Variants in DIAPH3 observed in about 807,000 individuals in gnomAD.
The protein encoded by DIAPH3 is protein diaphanous homolog 3.
In DIAPH3, 117 loss-of-function variants were observed where a neutral mutation model predicts 144.3. The observed-to-expected ratio is 0.81, with a 90% CI of 0.70 to 0.95. DIAPH3 has a LOEUF of 0.95. Among genes scored for constraint, DIAPH3 ranks in the 40% least tolerant of loss-of-function variants. The pLI is 0.00. For synonymous variants in DIAPH3, 519 were observed against 488.9 expected, an observed-to-expected ratio of 1.06 and a Z score of -0.81; for missense variants, 1,421 against 1,412.7, an observed-to-expected ratio of 1.01 and a Z score of -0.09.
At chr13:60,130,497 G>C (rs982108923) in intron 2 of DIAPH3, among the ~76,000 whole-genome samples, 2 of 152,162 alleles carry the variant, frequency 1.3e-5, no homozygotes, top group Non-Finnish European at 2.9e-5. Flanking sequence ...CAAGCGGTCA[G>C]AAAGACTGAC....
intron 7 of DIAPH3, chr13:60,013,333 G>A (rs1053300820): frequency 7.3e-5 from 31 of 427,130 alleles, no homozygotes; most frequent in Middle Eastern, 1.1e-3. Context: ...ACATCTGGAC[G>A]CACACAGCAT....
At chr13:59,742,838 G>A (rs1387578595) in intron 27 of DIAPH3, among the ~76,000 whole-genome samples, 1 of 152,182 alleles carries the variant, frequency 6.6e-6, no homozygotes, top group Non-Finnish European at 1.5e-5. Flanking sequence ...TCCTTCATAA[G>A]TTGACATGAC....
chr13:59,731,103 C>T (rs1006845009), intron 27 of DIAPH3, among the ~76,000 whole-genome samples: 7 of 152,166 alleles, frequency 4.6e-5, no homozygotes, highest in Non-Finnish European at 1.0e-4. Flanking sequence ...TTCACTGTAG[C>T]TTGAATGTGA....
At chr13:59,990,237 C>T (rs1199055164) in intron 12 of DIAPH3, among the ~76,000 whole-genome samples, 2 of 151,350 alleles carry the variant, frequency 1.3e-5, no homozygotes, top group African/African-American at 4.9e-5. Context: ...TCCTGAAAAA[C>T]CTAAAGTTTT....
chr13:60,063,435 A>T (rs916915421), intron 4 of DIAPH3, among the ~76,000 whole-genome samples: 2 of 151,974 alleles, frequency 1.3e-5, no homozygotes, highest in African/African-American at 4.8e-5. Flanking sequence ...TCATAGATAG[A>T]CCTCCCCCCA....
intron 4 of DIAPH3, among the ~76,000 whole-genome samples, chr13:60,044,042 TGTAGGTTTTACA>T (rs1406329543): frequency 6.6e-6 from 1 of 152,104 alleles, no homozygotes; most frequent in African/African-American, 2.4e-5. Flanking sequence ...TGGAGGGAAC[TGTAGGTTTTACA>T]GTCCACTGAA....
At chr13:60,049,191 T>A (rs899261099) in intron 4 of DIAPH3, among the ~76,000 whole-genome samples, 1 of 152,172 alleles carries the variant, frequency 6.6e-6, no homozygotes, top group Non-Finnish European at 1.5e-5. Context: ...TCTATTTATA[T>A]GAAAAACCAA....
At chr13:59,999,969 C>G (rs1472028203) in intron 9 of DIAPH3, among the ~76,000 whole-genome samples, 3 of 152,174 alleles carry the variant, frequency 2.0e-5, no homozygotes, top group Admixed American at 1.3e-4. Flanking sequence ...ATAACTGAAG[C>G]TTAATCAAAT....
At chr13:59,827,978 T>C (rs1254474721) in intron 24 of DIAPH3, among the ~76,000 whole-genome samples, 2 of 152,040 alleles carry the variant, frequency 1.3e-5, no homozygotes, top group African/African-American at 4.8e-5. Context: ...AACAAATAGA[T>C]TGGTTAATAG....
intron 7 of DIAPH3, 91 bp from the exon 8 acceptor site, chr13:60,010,760 T>C (rs1214757287): frequency 2.3e-6 from 3 of 1,314,422 alleles, no homozygotes; most frequent in Non-Finnish European, 3.2e-6. Flanking sequence ...AAAAAATTTA[T>C]AGGACATTTT....
At chr13:59,833,400 A>G in intron 23 of DIAPH3, 129 bp from the exon 24 acceptor site, 2 of 649,500 alleles carry the variant, frequency 3.1e-6, no homozygotes, top group Non-Finnish European at 5.1e-6. Context: ...AATTACTTCT[A>G]ATAGTTGACC....
intron 3 of DIAPH3, among the ~76,000 whole-genome samples, chr13:60,101,588 G>A (rs1022524994): frequency 3.3e-5 from 5 of 151,490 alleles, no homozygotes; most frequent in Middle Eastern, 3.2e-3. Flanking sequence ...TCCAAGACAA[G>A]TCTTCTTCCA....
rs1182209503 is a variant in DIAPH3, at chr13:59,873,228, C to A, written c.2607+6001G>T. Among the ~76,000 whole-genome samples, 3 of 152,116 alleles carry A rather than the reference C, an allele frequency of 2.0e-5. No homozygotes were observed. The East Asian group carries it at 5.8e-4, about 29-fold the overall frequency. Reference sequence around the variant, plus strand: ...ATAACTGCTTTACTTTCAAAGGTTGCCAAAATTTACTGGTATAATTTTGCC... The same window carrying A: ...ATAACTGCTTTACTTTCAAAGGTTGACAAAATTTACTGGTATAATTTTGCC... On this transcript the variant is annotated intron_variant, in intron 21 of 27. Transcript: ENST00000400324.
At chr13:59,684,051 G>GAAA (rs749664465) in intron 27 of DIAPH3, among the ~76,000 whole-genome samples, 1 of 140,512 alleles carries the variant, frequency 7.1e-6, no homozygotes. Context: ...GCAGGGGGAG[G>GAAA]AAAAAAAAAA....
intron 3 of DIAPH3, among the ~76,000 whole-genome samples, chr13:60,104,596 G>C (rs911879292): frequency 4.4e-5 from 3 of 68,802 alleles, no homozygotes; most frequent in Admixed American, 1.5e-4. Context: ...ACACACACAC[G>C]ATGAGAAAAA....
At chr13:60,080,346 TTGA>T (rs1185261217) in intron 4 of DIAPH3, among the ~76,000 whole-genome samples, 4 of 151,882 alleles carry the variant, frequency 2.6e-5, no homozygotes, top group African/African-American at 9.7e-5. Context: ...GTTATAGAAA[TTGA>T]TGAGTTTAAT....
At chr13:59,834,644 TTCA>T (rs1301949224) in intron 23 of DIAPH3, among the ~76,000 whole-genome samples, 1 of 151,724 alleles carries the variant, frequency 6.6e-6, no homozygotes, top group Non-Finnish European at 1.5e-5. Flanking sequence ...ATTCTAATTC[TTCA>T]TCATCATCTT....
At chr13:59,965,239 A>C (rs1056039830) in intron 17 of DIAPH3, among the ~76,000 whole-genome samples, 1 of 152,154 alleles carries the variant, frequency 6.6e-6, no homozygotes, top group Non-Finnish European at 1.5e-5. Flanking sequence ...TCAGTTGAGA[A>C]ATAATTTATA....
At chr13:60,102,497 G>A (rs1201809247) in intron 3 of DIAPH3, among the ~76,000 whole-genome samples, 1 of 152,150 alleles carries the variant, frequency 6.6e-6, no homozygotes, top group East Asian at 1.9e-4. Context: ...CCTATTTTAG[G>A]ACAAACATGA....
Sources: allele counts gnomAD v4.1 joint callset (sites outside exome capture counted in the v4.1 genomes callset), GRCh38; gene constraint gnomAD v4.1.1; transcripts MANE v1.5; gene names NCBI Gene and HGNC (gene_info 2026-07-23, HGNC 2026-07-21).